The following SCRG1 variants were observed in gnomAD, a reference collection of about 807,000 sequenced individuals.
SCRG1 encodes scrapie-responsive protein 1.
A neutral mutation model predicts 7.7 loss-of-function variants in SCRG1; 3 were observed. The ratio of observed to expected loss-of-function variants is 0.39; its 90% CI spans 0.18 to 1.01. The LOEUF (loss-of-function observed/expected upper bound fraction) is 1.01, where lower values mean the gene tolerates loss of function less well. SCRG1 is among the 50% of genes least tolerant of loss of function. The pLI is 0.36. For synonymous variants in SCRG1, 46 were observed against 41.2 expected (o/e 1.12, Z -0.44); for missense variants, 110 against 117.2 (o/e 0.94, Z 0.28).
At position 173,389,398 on chromosome 4, in the gene SCRG1, A is replaced by T. The variant is rs536853880; in HGVS notation, c.243-1003T>A. Among the ~76,000 whole-genome samples, 256 of 152,158 alleles carry T rather than the reference A, an allele frequency of 1.7e-3. 1 individual carries two copies. The highest frequency in any genetic ancestry group is 0.01 in the Middle Eastern group (3 of 294). On this transcript the variant is annotated intron_variant, in intron 2 of 2. Transcript: ENST00000296506. ...AAATACAAAAAGAATTAGCCGGGCG[A>T]GGTGGCGGGCGCCTGTAGTCCCAGC... is the stretch of plus-strand genomic sequence containing the variant.
At chr4:173,482,764 G>A in the SCRG1 span, among the ~76,000 whole-genome samples, 1 of 151,096 alleles carries the variant, frequency 6.6e-6, no homozygotes, top group East Asian at 1.9e-4. Flanking sequence ...GCTGCAGTGA[G>A]CTATGAATGT....
the SCRG1 span, among the ~76,000 whole-genome samples, chr4:173,413,421 A>G: frequency 3.3e-5 from 5 of 152,348 alleles, no homozygotes; most frequent in African/African-American, 1.2e-4. Flanking sequence ...GTGCTGAACA[A>G]GTCTACAGGA....
At chr4:173,404,597 A>G (rs1739853912) in intron 1 of SCRG1, among the ~76,000 whole-genome samples, 1 of 152,204 alleles carries the variant, frequency 6.6e-6, no homozygotes, top group Non-Finnish European at 1.5e-5. Context: ...TGGGTACAGG[A>G]GAGGTTCTTG....
the SCRG1 span, among the ~76,000 whole-genome samples, chr4:173,489,173 G>A: frequency 3.9e-5 from 6 of 152,166 alleles, no homozygotes; most frequent in Non-Finnish European, 8.8e-5. Flanking sequence ...ATAGATTCAT[G>A]CATAAGTGTT....
the SCRG1 span, chr4:173,420,048 G>T: frequency 3.2e-6 from 2 of 627,528 alleles, no homozygotes; most frequent in South Asian, 2.9e-5. Flanking sequence ...TCTGAGCATA[G>T]TAATCAGTTT....
the SCRG1 span, among the ~76,000 whole-genome samples, chr4:173,426,970 A>G: frequency 6.6e-6 from 1 of 152,194 alleles, no homozygotes; most frequent in African/African-American, 2.4e-5. Context: ...GGATTTTGCA[A>G]ATTAAATTAT....
chr4:173,400,916 C>T (rs967915656), upstream of SCRG1, among the ~76,000 whole-genome samples: 1 of 151,994 alleles, frequency 6.6e-6, no homozygotes, highest in African/African-American at 2.4e-5. Flanking sequence ...AAGGAATGGG[C>T]AGAGAACTGG....
the SCRG1 span, among the ~76,000 whole-genome samples, chr4:173,516,684 G>A: frequency 6.6e-6 from 1 of 152,208 alleles, no homozygotes; most frequent in African/African-American, 2.4e-5. Flanking sequence ...AGCGTTCCAA[G>A]ATGGACTGCC....
the SCRG1 span, among the ~76,000 whole-genome samples, chr4:173,428,657 G>A: frequency 6.6e-6 from 1 of 152,178 alleles, no homozygotes; most frequent in Non-Finnish European, 1.5e-5. Context: ...AAATACATTT[G>A]AATTGCAGAA....
chr4:173,428,918 C>A, the SCRG1 span, among the ~76,000 whole-genome samples: 7 of 152,306 alleles, frequency 4.6e-5, no homozygotes, highest in Non-Finnish European at 5.9e-5. Context: ...TTTCCAAGAT[C>A]ACTCTTAATT....
At chr4:173,499,830 G>T in the SCRG1 span, among the ~76,000 whole-genome samples, 4 of 152,216 alleles carry the variant, frequency 2.6e-5, no homozygotes, top group Non-Finnish European at 5.9e-5. This position sits in a 1 kb window ranked among gnomAD's most constrained non-coding sequence, Gnocchi z 4.1. Context: ...CGAAAGAAAG[G>T]AAAGGAGAAA....
the SCRG1 span, among the ~76,000 whole-genome samples, chr4:173,508,088 G>A: frequency 1.3e-5 from 2 of 152,136 alleles, no homozygotes; most frequent in African/African-American, 4.8e-5. The surrounding 1 kb of genome is among the most constrained non-coding windows in gnomAD (Gnocchi z 4.4). Context: ...GCAGTGCCTG[G>A]GAAAAGCCCG....
the SCRG1 span, among the ~76,000 whole-genome samples, chr4:173,466,234 C>T: frequency 6.6e-6 from 1 of 152,254 alleles, no homozygotes; most frequent in South Asian, 2.1e-4. Flanking sequence ...GGAAAATTCC[C>T]AAACAGCAGT....
At chr4:173,482,204 T>C in the SCRG1 span, among the ~76,000 whole-genome samples, 2 of 152,132 alleles carry the variant, frequency 1.3e-5, no homozygotes. Context: ...GCCACACTTA[T>C]GTGCTTGTGT....
At chr4:173,501,205 C>G in the SCRG1 span, among the ~76,000 whole-genome samples, 30 of 152,180 alleles carry the variant, frequency 2.0e-4, no homozygotes, top group South Asian at 2.1e-4. This position sits in a 1 kb window ranked among gnomAD's most constrained non-coding sequence, Gnocchi z 5.1. Flanking sequence ...CCACGCGGCC[C>G]GAGCTCCGCG....
At chr4:173,492,091 C>T in the SCRG1 span, among the ~76,000 whole-genome samples, 1 of 152,092 alleles carries the variant, frequency 6.6e-6, no homozygotes, top group Admixed American at 6.6e-5. Flanking sequence ...GGTTGTGTGA[C>T]TGCCCTCCAG....
At chr4:173,397,784 C>T (rs1406651932) in intron 1 of SCRG1, among the ~76,000 whole-genome samples, 10 of 152,180 alleles carry the variant, frequency 6.6e-5, no homozygotes, top group Non-Finnish European at 1.5e-4. Context: ...TGCAAATGCT[C>T]ATACAGGCAG....
chr4:173,468,819 A>T, the SCRG1 span: 3 of 152,234 alleles, frequency 2.0e-5, no homozygotes, highest in Non-Finnish European at 4.4e-5. Context: ...CAGTGACATT[A>T]CAGTTTGAAA....
the SCRG1 span, among the ~76,000 whole-genome samples, chr4:173,483,050 TATATA>T: frequency 8.1e-5 from 9 of 110,808 alleles, no homozygotes; most frequent in East Asian, 2.6e-4. Context: ...GTATATTTTA[TATATA>T]ATATATTTCA....
Sources: allele counts gnomAD v4.1 joint callset (sites outside exome capture counted in the v4.1 genomes callset), GRCh38; gene constraint gnomAD v4.1.1; non-coding constraint Gnocchi (gnomAD v3.1); transcripts MANE v1.5; gene names NCBI Gene and HGNC (gene_info 2026-07-23, HGNC 2026-07-21).